The following LRBA variants were observed in gnomAD, a reference collection of about 807,000 sequenced individuals.
The protein encoded by LRBA is lipopolysaccharide-responsive and beige-like anchor protein.
Under a neutral mutation model 330.0 loss-of-function variants are expected in LRBA, and 176 were observed. The ratio of observed to expected loss-of-function variants is 0.53; its 90% confidence interval spans 0.47 to 0.60. The LOEUF (loss-of-function observed/expected upper bound fraction) is 0.60. Among genes scored for constraint, LRBA ranks in the 20% least tolerant of loss-of-function variants. LRBA has a pLI of 0.00. For missense variants in LRBA, 3,259 were observed against 3,444.8 expected, an observed-to-expected ratio of 0.95 and a Z score of 1.35; for synonymous variants, 1,230 against 1,193.0, an observed-to-expected ratio of 1.03 and a Z score of -0.64.
At chr4:150,546,952 G>T (rs891363034) in intron 40 of LRBA, among the ~76,000 whole-genome samples, 1 of 151,940 alleles carries the variant, frequency 6.6e-6, no homozygotes, top group Non-Finnish European at 1.5e-5. Flanking sequence ...TCAACTGATG[G>T]GTTATGACAG....
At chr4:150,557,159 A>AG (rs1767430545) in intron 40 of LRBA, among the ~76,000 whole-genome samples, 1 of 152,166 alleles carries the variant, frequency 6.6e-6, no homozygotes, top group African/African-American at 2.4e-5. Flanking sequence ...ATGAAGGGGT[A>AG]AGTAAAAAAA....
chr4:150,921,519 G>A (rs886621170), intron 4 of LRBA, among the ~76,000 whole-genome samples: 2 of 152,118 alleles, frequency 1.3e-5, no homozygotes, highest in African/African-American at 4.8e-5. Flanking sequence ...ATATGAGCCA[G>A]TATCATTAGA....
intron 34 of LRBA, among the ~76,000 whole-genome samples, chr4:150,785,895 G>A (rs1381106566): frequency 6.6e-6 from 1 of 152,172 alleles, no homozygotes; most frequent in Admixed American, 6.5e-5. Context: ...AGTGTTACTT[G>A]TATTTTGGTA....
chr4:150,266,949 CTGT>C (rs1231577708), intron 56 of LRBA, among the ~76,000 whole-genome samples: 1 of 152,054 alleles, frequency 6.6e-6, no homozygotes, highest in Non-Finnish European at 1.5e-5. Flanking sequence ...CAGTCAAAAA[CTGT>C]TACAAGAGAC....
intron 44 of LRBA, among the ~76,000 whole-genome samples, chr4:150,450,568 G>A (rs1442896531): frequency 6.6e-6 from 1 of 152,084 alleles, no homozygotes; most frequent in Admixed American, 6.6e-5. Context: ...TTGGATTTGG[G>A]CCCACCCTAA....
At chr4:150,574,528 AG>A (rs1770287789) in intron 40 of LRBA, among the ~76,000 whole-genome samples, 1 of 152,088 alleles carries the variant, frequency 6.6e-6, no homozygotes, top group Admixed American at 6.6e-5. Flanking sequence ...AAAGTCACCC[AG>A]GTAACCAAGC....
At position 150,337,679 on chromosome 4, in the gene LRBA, T is replaced by C. The variant is rs545919180; in HGVS notation, c.7363-11781A>G. ...CAGAGGTACTTCATGATTATTTCTA[T>C]AACACTTTGAATTGTGGCTGCATGA... On this transcript the variant is annotated intron_variant, in intron 48 of 56. Transcript: ENST00000651943. 3.5e-4 allele frequency among the ~76,000 whole-genome samples: 54 copies of C among 152,246 alleles called. No individual in the cohort carries two copies. In the Middle Eastern group the frequency reaches 0.014, roughly 38 times the overall value.
At chr4:150,467,563 G>T (rs76040703) in intron 44 of LRBA, 110 bp downstream of exon 44, 2 of 606,702 alleles carry the variant, frequency 3.3e-6, no homozygotes, top group Non-Finnish European at 2.9e-6. Context: ...TATATTAAAG[G>T]TACGACTATA....
At chr4:150,745,578 C>T (rs892673205) in intron 35 of LRBA, among the ~76,000 whole-genome samples, 3 of 152,032 alleles carry the variant, frequency 2.0e-5, no homozygotes, top group Admixed American at 6.5e-5. Context: ...TGCAGTGGCA[C>T]GATCTCAGCT....
At chr4:150,906,445 T>G (rs1179979734) in intron 11 of LRBA, 40 bp from the exon 12 acceptor site, 4 of 1,136,838 alleles carry the variant, frequency 3.5e-6, no homozygotes. Flanking sequence ...AAAAACATAT[T>G]CTATTTTTTT....
intron 2 of LRBA, among the ~76,000 whole-genome samples, chr4:150,951,402 C>T (rs2149544211): frequency 6.6e-6 from 1 of 151,922 alleles, no homozygotes; most frequent in Admixed American, 6.5e-5. Context: ...TTTGTGACAC[C>T]CCTATACTAA....
At chr4:150,427,917 T>C (rs545229676) in intron 46 of LRBA, among the ~76,000 whole-genome samples, 2 of 152,106 alleles carry the variant, frequency 1.3e-5, no homozygotes, top group African/African-American at 4.8e-5. Context: ...GTAGAAGATG[T>C]GCTGCTAGGG....
chr4:150,824,004 C>G (rs901946970), intron 30 of LRBA, among the ~76,000 whole-genome samples: 2 of 152,110 alleles, frequency 1.3e-5, no homozygotes, highest in Non-Finnish European at 2.9e-5. Flanking sequence ...TGCACTGAAT[C>G]TGTAGATTGC....
At chr4:150,878,606 T>C (rs1728010084) in intron 17 of LRBA, among the ~76,000 whole-genome samples, 1 of 150,466 alleles carries the variant, frequency 6.6e-6, no homozygotes, top group South Asian at 2.1e-4. Flanking sequence ...ACTAGCTAGA[T>C]TAAAAAAAAA....
At chr4:150,891,013 A>AT (rs565681621) in intron 17 of LRBA, among the ~76,000 whole-genome samples, 70 of 152,336 alleles carry the variant, frequency 4.6e-4, no homozygotes, top group South Asian at 1.0e-3. Flanking sequence ...AGGTTATAAA[A>AT]TTAGATACTC....
At chr4:150,609,495 AC>A (rs1185632314) in intron 37 of LRBA, among the ~76,000 whole-genome samples, 1 of 152,220 alleles carries the variant, frequency 6.6e-6, no homozygotes, top group African/African-American at 2.4e-5. Flanking sequence ...CAAAGCCTAT[AC>A]ATATCTGTAC....
intron 2 of LRBA, 44 bp downstream of exon 2, chr4:151,014,383 C>A (rs1486843022): frequency 6.0e-6 from 9 of 1,497,786 alleles, no homozygotes; most frequent in Non-Finnish European, 8.3e-6. Context: ...TGTTCCCCAA[C>A]CCACTGAAAA....
chr4:150,598,734 T>G (rs1442562890), intron 38 of LRBA, among the ~76,000 whole-genome samples: 1 of 152,172 alleles, frequency 6.6e-6, no homozygotes, highest in Non-Finnish European at 1.5e-5. Flanking sequence ...ATGTGTCGCT[T>G]AAAAGGAGAC....
intron 2 of LRBA, among the ~76,000 whole-genome samples, chr4:150,973,253 C>T (rs1031743810): frequency 6.6e-6 from 1 of 152,126 alleles, no homozygotes; most frequent in Non-Finnish European, 1.5e-5. Flanking sequence ...CTGCAACCTC[C>T]GCCTCCTGGG....
Sources: allele counts gnomAD v4.1 joint callset (sites outside exome capture counted in the v4.1 genomes callset), GRCh38; gene constraint gnomAD v4.1.1; transcripts MANE v1.5; gene names NCBI Gene and HGNC (gene_info 2026-07-23, HGNC 2026-07-21).